CHSY1: variants seen among roughly 807,000 people sequenced by gnomAD.
CHSY1 encodes N-acetylgalactosaminyl-proteoglycan 3-beta-glucuronosyltransferase 1.
In CHSY1, 13 loss-of-function variants were observed where a neutral mutation model predicts 59.8. That is an observed-to-expected ratio of 0.22 (90% CI 0.14 to 0.35). The LOEUF is 0.35. CHSY1 is among the 10% of genes least tolerant of loss of function. CHSY1 has a pLI of 1.00. For synonymous variants in CHSY1, 459 were observed against 401.2 expected, an observed-to-expected ratio of 1.14 and a Z score of -1.72; for missense variants, 947 against 1,030.6, an observed-to-expected ratio of 0.92 and a Z score of 1.11.
intron 2 of CHSY1, among the ~76,000 whole-genome samples, chr15:101,203,349 A>C (rs1169882303): frequency 1.3e-5 from 2 of 152,228 alleles, no homozygotes; most frequent in African/African-American, 4.8e-5. Context: ...GAGACACACT[A>C]ATTTCAATAC....
chr15:101,177,393 C>T lies in CHSY1; in HGVS notation c.2404G>A (p.Ala802Thr). The change falls in exon 3 of 3, where the codon GCC (alanine) becomes ACC (threonine). Residue 802 changes from alanine to threonine, a missense_variant. Physicochemically the swap from Ala to Thr is moderately conservative, Grantham distance 58. Transcript: ENST00000254190. ...TTTTCCAGCAAAGCTGGACATTAGG[C>T]TGTCCTCACTGAGCCATTATTATTG... ...SSNNNGSVRT[A>T] 1 of 1,611,160 alleles carries T rather than the reference C, an allele frequency of 6.2e-7. No homozygotes were observed. The highest frequency in any genetic ancestry group is 1.3e-5 in the African/African-American group (1 of 74,872).
chr15:101,201,013 G>A (rs1318706215), intron 2 of CHSY1, among the ~76,000 whole-genome samples: 2 of 151,994 alleles, frequency 1.3e-5, no homozygotes, highest in Non-Finnish European at 2.9e-5. Flanking sequence ...CCTGAGCCAG[G>A]GTCTGTGGGA....
intron 2 of CHSY1, among the ~76,000 whole-genome samples, chr15:101,193,141 A>G (rs1221962726): frequency 6.6e-6 from 1 of 152,206 alleles, no homozygotes; most frequent in Admixed American, 6.5e-5. Context: ...GCACACAGCA[A>G]AGCCGAGGTT....
At chr15:101,232,595 A>G (rs900097506) in intron 2 of CHSY1, among the ~76,000 whole-genome samples, 1 of 152,230 alleles carries the variant, frequency 6.6e-6, no homozygotes, top group African/African-American at 2.4e-5. Flanking sequence ...TCTTAAACAC[A>G]AAAGCACAAA....
At chr15:101,221,544 C>T (rs1484725688) in intron 2 of CHSY1, among the ~76,000 whole-genome samples, 4 of 152,146 alleles carry the variant, frequency 2.6e-5, no homozygotes, top group Non-Finnish European at 5.9e-5. Flanking sequence ...CTGGGATATT[C>T]AATATCCATG....
intron 2 of CHSY1, among the ~76,000 whole-genome samples, chr15:101,220,418 G>A (rs1021989483): frequency 1.3e-5 from 2 of 152,108 alleles, no homozygotes; most frequent in East Asian, 1.9e-4. Context: ...CCCTATCCCT[G>A]TGAGTTCCCT....
intron 2 of CHSY1, among the ~76,000 whole-genome samples, chr15:101,234,702 A>G (rs1054380004): frequency 4.6e-5 from 7 of 152,192 alleles, no homozygotes; most frequent in African/African-American, 1.7e-4. Flanking sequence ...CCTCGTCTCT[A>G]CTAAGAATAC....
chr15:101,225,023 G>A (rs1421682008), intron 2 of CHSY1, among the ~76,000 whole-genome samples: 1 of 152,186 alleles, frequency 6.6e-6, no homozygotes, highest in East Asian at 1.9e-4. Context: ...GGCAACGAGA[G>A]TGCCTCCCAC....
In CHSY1 at chr15:101,248,888, G is replaced by A. The variant is rs371028662; in HGVS notation, c.320+2249C>T. Among the ~76,000 whole-genome samples the A allele has an allele frequency of 2.2e-3, 334 of 151,250 alleles. 2 individuals are homozygous for A. Among genetic ancestry groups the A allele is most frequent in the African/African-American group, 7.5e-3 (307 of 41,162 alleles). ...AGCAACCTCTGCCTCCTGGGTTTAC[G>A]CCATTCTCCTGCCTCAGCCTCCCGA... On this transcript the variant is annotated intron_variant, in intron 1 of 2. Transcript: ENST00000254190.
intron 2 of CHSY1, among the ~76,000 whole-genome samples, chr15:101,226,438 G>A (rs1249991866): frequency 6.6e-6 from 1 of 152,154 alleles, no homozygotes; most frequent in Non-Finnish European, 1.5e-5. Flanking sequence ...GTAACTCGCT[G>A]CCCAAGACCA....
Position 101,228,266 on chromosome 15 carries a change from C to T in CHSY1, c.816+6816G>A, listed in dbSNP as rs187115007. Among the ~76,000 whole-genome samples the T allele has an allele frequency of 1.0e-3, 156 of 151,576 alleles. 1 individual carries two copies. The highest frequency in any genetic ancestry group is 6.8e-3 in the Middle Eastern group (2 of 294). On this transcript the variant is annotated intron_variant, in intron 2 of 2. Coordinates refer to ENST00000254190, the MANE Select transcript of CHSY1 (RefSeq NM_014918.5). Reference sequence around the variant, plus strand: ...TAAAAATGAGTAGAACACAGCATGACGGGCATTCCAAAGGAAAACAGAAAC... The same window carrying T: ...TAAAAATGAGTAGAACACAGCATGATGGGCATTCCAAAGGAAAACAGAAAC...
intron 2 of CHSY1, among the ~76,000 whole-genome samples, chr15:101,213,663 C>T (rs1361863052): frequency 6.6e-6 from 1 of 152,156 alleles, no homozygotes; most frequent in African/African-American, 2.4e-5. Flanking sequence ...AGTAGGATGG[C>T]ATAAATTACG....
intron 2 of CHSY1, among the ~76,000 whole-genome samples, chr15:101,188,701 T>C (rs1041236068): frequency 2.0e-5 from 3 of 152,198 alleles, no homozygotes; most frequent in Non-Finnish European, 4.4e-5. Flanking sequence ...ATTTTGAGAA[T>C]TAAGCTTAGC....
chr15:101,205,901 G>A (rs1292656529), intron 2 of CHSY1, among the ~76,000 whole-genome samples: 15 of 151,904 alleles, frequency 9.9e-5, no homozygotes, highest in African/African-American at 2.7e-4. Context: ...GCAGTGAGCC[G>A]AGATAGCGCC....
chr15:101,201,530 T>G (rs951289063), intron 2 of CHSY1, among the ~76,000 whole-genome samples: 2 of 152,162 alleles, frequency 1.3e-5, no homozygotes, highest in African/African-American at 4.8e-5. Flanking sequence ...ATCTGATTGG[T>G]GGAGCGGCAG....
intron 2 of CHSY1, among the ~76,000 whole-genome samples, chr15:101,194,620 T>C (rs1294951486): frequency 6.6e-6 from 1 of 152,226 alleles, no homozygotes; most frequent in Non-Finnish European, 1.5e-5. Flanking sequence ...CAGCTGCTTC[T>C]GAACAGTGCA....
At chr15:101,250,657 G>A (rs1056391917) in intron 1 of CHSY1, among the ~76,000 whole-genome samples, 2 of 152,214 alleles carry the variant, frequency 1.3e-5, no homozygotes, top group Non-Finnish European at 2.9e-5. Flanking sequence ...CTCCAACTGC[G>A]AAATGTGAGA....
At chr15:101,234,160 T>C (rs979211655) in intron 2 of CHSY1, among the ~76,000 whole-genome samples, 6 of 152,208 alleles carry the variant, frequency 3.9e-5, no homozygotes, top group African/African-American at 1.4e-4. Context: ...CGGACTTCCT[T>C]CGGCAAATTT....
chr15:101,201,890 G>A (rs2038577725), intron 2 of CHSY1, among the ~76,000 whole-genome samples: 1 of 152,212 alleles, frequency 6.6e-6, no homozygotes, highest in African/African-American at 2.4e-5. Context: ...CCAGGAGGGG[G>A]TTAGAAGGAA....
Sources: gnomAD v4.1 joint callset for allele counts (sites outside exome capture counted in the v4.1 genomes callset) on GRCh38, gnomAD v4.1.1 for gene constraint, MANE v1.5 for transcripts, NCBI Gene and HGNC (gene_info 2026-07-23, HGNC 2026-07-21) for gene names.